UTP6: variants seen among roughly 807,000 people sequenced by gnomAD.
UTP6 encodes the protein U3 small nucleolar RNA-associated protein 6 homolog.
Under a neutral mutation model 96.5 loss-of-function variants are expected in UTP6, and 60 were observed. The observed-to-expected ratio is 0.62, with a 90% CI of 0.51 to 0.77. The LOEUF is 0.77. UTP6 is among the 30% of genes least tolerant of loss of function. UTP6 has a pLI of 0.00. For missense variants in UTP6, 637 were observed against 706.5 expected (o/e 0.90, Z 1.12); for synonymous variants, 215 against 240.1 (o/e 0.90, Z 0.96).
At chr17:31,884,650 T>C (rs1911047234) in intron 9 of UTP6, 145 bp from the exon 10 acceptor site, 1 of 635,394 alleles carries the variant, frequency 1.6e-6, no homozygotes, top group Non-Finnish European at 2.7e-6. Flanking sequence ...AGTCATCCCA[T>C]AGTCCCCTCA....
At chr17:31,871,647 A>G (rs926404898) in intron 16 of UTP6, among the ~76,000 whole-genome samples, 5 of 152,008 alleles carry the variant, frequency 3.3e-5, no homozygotes, top group African/African-American at 1.2e-4. Context: ...TAATCCCAGC[A>G]TTTTGGGAGG....
chr17:31,869,553 T>C (rs1370708671), intron 16 of UTP6, among the ~76,000 whole-genome samples: 1 of 152,044 alleles, frequency 6.6e-6, no homozygotes, highest in Non-Finnish European at 1.5e-5. Context: ...GGCACAATCA[T>C]AGCTCACTGC....
intron 17 of UTP6, among the ~76,000 whole-genome samples, chr17:31,866,174 C>G (rs1320062554): frequency 1.3e-5 from 2 of 151,276 alleles, no homozygotes; most frequent in African/African-American, 4.9e-5. Flanking sequence ...GTAGTCCCAG[C>G]TACTCAGGAG....
At chr17:31,875,492 T>A in intron 13 of UTP6, 79 bp from the exon 14 acceptor site, 1 of 1,466,698 alleles carries the variant, frequency 6.8e-7, no homozygotes, top group Non-Finnish European at 9.2e-7. Flanking sequence ...TATGCCTCAT[T>A]TGAGGCAAGA....
chr17:31,873,238 A>C, intron 16 of UTP6, 140 bp downstream of exon 16: 1 of 737,352 alleles, frequency 1.4e-6, no homozygotes, highest in South Asian at 1.8e-5. Context: ...TGGGCAACAG[A>C]GCAAGACTCC....
chr17:31,875,495 A>C, intron 13 of UTP6, 82 bp from the exon 14 acceptor site: 1 of 1,475,212 alleles, frequency 6.8e-7, no homozygotes, highest in South Asian at 1.3e-5. Flanking sequence ...GCCTCATTTG[A>C]GGCAAGAATT....
At chr17:31,889,872 C>T in intron 6 of UTP6, among the ~76,000 whole-genome samples, 1 of 152,078 alleles carries the variant, frequency 6.6e-6, no homozygotes, top group East Asian at 1.9e-4. Flanking sequence ...AACTGCAAAG[C>T]TTGGCTACGT....
intron 17 of UTP6, among the ~76,000 whole-genome samples, chr17:31,867,459 G>C (rs929275872): frequency 6.8e-6 from 1 of 146,126 alleles, no homozygotes. Flanking sequence ...AGTGAGCCGA[G>C]ATCACACCAC....
At chr17:31,867,122 C>T (rs1598093095) in intron 17 of UTP6, among the ~76,000 whole-genome samples, 1 of 152,056 alleles carries the variant, frequency 6.6e-6, no homozygotes, top group African/African-American at 2.4e-5. Context: ...AGGCACCTAA[C>T]TATCATGTTA....
intron 7 of UTP6, 193 bp from the exon 8 acceptor site, chr17:31,887,506 C>T (rs1033230408): frequency 7.7e-6 from 4 of 520,696 alleles, no homozygotes; most frequent in Non-Finnish European, 1.4e-5. Context: ...TTCCATCACA[C>T]TCAGATAATT....
chr17:31,888,928 C>T (rs1911303853), intron 7 of UTP6, among the ~76,000 whole-genome samples: 1 of 151,692 alleles, frequency 6.6e-6, no homozygotes, highest in African/African-American at 2.4e-5. Flanking sequence ...AAAATTTAGC[C>T]AGGCATGGTG....
intron 6 of UTP6, 92 bp from the exon 7 acceptor site, chr17:31,889,495 ATTTTTT>A: frequency 4.7e-5 from 25 of 536,616 alleles, no homozygotes; most frequent in East Asian, 1.7e-4. Context: ...TACTCGCACA[ATTTTTT>A]TTTTTTTTTT....
intron 8 of UTP6, chr17:31,886,488 AC>A (rs1203692519): frequency 6.5e-6 from 1 of 154,614 alleles, no homozygotes; most frequent in Non-Finnish European, 1.4e-5. Flanking sequence ...ACATGGCAAA[AC>A]CCCATCTCTA....
rs1340887520 is a variant in UTP6 at position 31,901,564 on chromosome 17, T to C, written c.64A>G (p.Ile22Val). 1 of 1,614,074 alleles carries C rather than the reference T, an allele frequency of 6.2e-7. No homozygotes were observed. Among genetic ancestry groups the C allele is most frequent in the Non-Finnish European group, 8.5e-7 (1 of 1,180,028 alleles). The change falls in exon 1 of 19, where the codon ATT (isoleucine) becomes GTT (valine). Residue 22 changes from isoleucine to valine, a missense_variant. Coordinates refer to ENST00000261708, the MANE Select transcript of UTP6 (RefSeq NM_018428.3). The stretch of plus-strand genomic sequence containing the variant: ...ATCTCCGCATGACTGAACAGTCCAA[T>C]GCGCTCCAGCTGTTCCAATTCCGGG... ...RLPELEQLER[I>V]GLFSHAEIKA... is the part of the protein sequence containing the mutation.
chr17:31,879,935 G>A (rs186999600), intron 11 of UTP6, among the ~76,000 whole-genome samples: 120 of 151,864 alleles, frequency 7.9e-4, no homozygotes, highest in African/African-American at 2.6e-3. Context: ...GTGAAACTCC[G>A]TCTGTACTAA....
intron 17 of UTP6, 114 bp downstream of exon 17, chr17:31,867,932 G>C (rs1909919951): frequency 2.1e-6 from 2 of 965,488 alleles, no homozygotes; most frequent in South Asian, 3.1e-5. Flanking sequence ...ACTCCAGCCT[G>C]GCAACAGAGC....
chr17:31,885,556 A>G (rs900914024), intron 9 of UTP6, among the ~76,000 whole-genome samples: 1 of 151,964 alleles, frequency 6.6e-6, no homozygotes, highest in Non-Finnish European at 1.5e-5. Context: ...TTGGGAGGCC[A>G]AGGCGGGCAG....
chr17:31,867,040 T>TACCCC (rs1422712937), intron 17 of UTP6, among the ~76,000 whole-genome samples: 1 of 152,040 alleles, frequency 6.6e-6, no homozygotes, highest in Non-Finnish European at 1.5e-5. Context: ...ACAACTCTCA[T>TACCCC]ACCCCTGAAA....
At chr17:31,888,700 A>T (rs1243046450) in intron 7 of UTP6, among the ~76,000 whole-genome samples, 3 of 152,058 alleles carry the variant, frequency 2.0e-5, no homozygotes, top group Non-Finnish European at 4.4e-5. Flanking sequence ...ATCTCAAAAA[A>T]TAAAAAAGAT....
Sources: gnomAD v4.1 joint callset for allele counts (sites outside exome capture counted in the v4.1 genomes callset) on GRCh38, gnomAD v4.1.1 for gene constraint, MANE v1.5 for transcripts, NCBI Gene and HGNC (gene_info 2026-07-23, HGNC 2026-07-21) for gene names.